PHLPP1: variants seen among roughly 807,000 people sequenced by gnomAD.
PHLPP1 encodes the protein PH domain leucine-rich repeat-containing protein phosphatase 1.
In PHLPP1, 42 loss-of-function variants were observed where a neutral mutation model predicts 117.2. That is an observed-to-expected ratio of 0.36 (90% CI 0.28 to 0.46). The LOEUF (loss-of-function observed/expected upper bound fraction) is 0.46, where lower values mean the gene tolerates loss of function less well. Ranked by LOEUF, PHLPP1 falls within the 20% of genes least tolerant of loss-of-function variation. PHLPP1 has a pLI of 1.00. For synonymous variants in PHLPP1, 1,042 were observed against 970.7 expected (o/e 1.07, Z -1.37); for missense variants, 2,084 against 2,241.9 (o/e 0.93, Z 1.42).
At chr18:62,768,881 G>A (rs1325552160) in intron 1 of PHLPP1, among the ~76,000 whole-genome samples, 2 of 152,144 alleles carry the variant, frequency 1.3e-5, no homozygotes, top group East Asian at 3.8e-4. Flanking sequence ...TTAGCTATCA[G>A]AATTATAATT....
intron 5 of PHLPP1, 129 bp downstream of exon 5, chr18:62,895,286 C>A (rs1916527845): frequency 2.3e-6 from 2 of 884,106 alleles, no homozygotes; most frequent in Non-Finnish European, 3.5e-6. Context: ...ATCAAGAGAT[C>A]AGGGACTATG....
intron 1 of PHLPP1, among the ~76,000 whole-genome samples, chr18:62,769,719 A>G (rs1912688526): frequency 6.6e-6 from 1 of 152,242 alleles, no homozygotes; most frequent in South Asian, 2.1e-4. Flanking sequence ...GAATTTAAGC[A>G]TAGTATACCC....
intron 1 of PHLPP1, among the ~76,000 whole-genome samples, chr18:62,795,137 A>G (rs1466392677): frequency 2.0e-5 from 3 of 152,086 alleles, no homozygotes; most frequent in Non-Finnish European, 2.9e-5. Context: ...TCTTTGTTGC[A>G]TATTCTTAAT....
chr18:62,817,851 C>CTT (rs71340119), intron 1 of PHLPP1, among the ~76,000 whole-genome samples: 41 of 85,948 alleles, frequency 4.8e-4, no homozygotes, highest in African/African-American at 6.0e-4. Flanking sequence ...TGGCAACAGA[C>CTT]TTTTTTTTTT....
chr18:62,903,786 C>G (rs79746064), intron 7 of PHLPP1, among the ~76,000 whole-genome samples: 1 of 148,856 alleles, frequency 6.7e-6, no homozygotes, highest in African/African-American at 2.5e-5. Context: ...AAAAAAAAGA[C>G]AAGAAAAGAT....
intron 1 of PHLPP1, among the ~76,000 whole-genome samples, chr18:62,719,150 C>T (rs1910844429): frequency 6.6e-6 from 1 of 152,116 alleles, no homozygotes; most frequent in South Asian, 2.1e-4. Context: ...GCATGTATGC[C>T]TCTGAGTATG....
intron 12 of PHLPP1, among the ~76,000 whole-genome samples, chr18:62,947,882 C>T (rs1248833779): frequency 1.3e-5 from 2 of 151,758 alleles, no homozygotes; most frequent in African/African-American, 4.8e-5. Flanking sequence ...AAAAATAAGC[C>T]AGGCATGGTG....
rs551962412 is a variant in PHLPP1, at chr18:62,879,578, ATTGT to A, written c.2067-15428_2067-15425del. 4.6e-5 allele frequency among the ~76,000 whole-genome samples: 7 copies of A among 151,958 alleles called. No individual in the cohort carries two copies. In the South Asian group the frequency reaches 1.5e-3, roughly 32 times the overall value. ...AGGCGTGTGCCACCACGCTGGGCTAATTGTTTGTATTTTTAGTAGACAGGGTTCA... is the reference window on the plus strand; with the variant it reads ...AGGCGTGTGCCACCACGCTGGGCTAATTGTATTTTTAGTAGACAGGGTTCA... On this transcript the variant is annotated intron_variant, in intron 4 of 16. Coordinates refer to ENST00000262719, the MANE Select transcript of PHLPP1 (RefSeq NM_194449.4).
chr18:62,774,365 C>G (rs893640492), intron 1 of PHLPP1, among the ~76,000 whole-genome samples: 1 of 152,184 alleles, frequency 6.6e-6, no homozygotes, highest in African/African-American at 2.4e-5. Context: ...CATTTTGAGC[C>G]TTTGTCAGCT....
At chr18:62,887,368 A>G (rs2144390473) in intron 4 of PHLPP1, among the ~76,000 whole-genome samples, 1 of 152,340 alleles carries the variant, frequency 6.6e-6, no homozygotes, top group Admixed American at 6.5e-5. Context: ...ATGAGAAAAA[A>G]GAAAGATATA....
At chr18:62,826,095 A>G (rs1914605766) in intron 1 of PHLPP1, among the ~76,000 whole-genome samples, 1 of 151,902 alleles carries the variant, frequency 6.6e-6, no homozygotes, top group Non-Finnish European at 1.5e-5. Context: ...TCTCATGGTT[A>G]TGGTCAAATA....
At position 62,972,590 on chromosome 18, in the gene PHLPP1, C is replaced by T. The variant is rs756121895; in HGVS notation, c.3637C>T (p.Arg1213Trp). Residue 1213 changes from arginine to tryptophan, a missense_variant, in exon 15 of 17, where the codon CGG becomes TGG. Arg to Trp is a moderately radical substitution (Grantham distance 101). This residue lies in a region of PHLPP1 where 1,365 missense variants were observed against 1,605.9 expected (regional missense o/e 0.85). Transcript: ENST00000262719. ...CCTGTATGGTGTGTTTGACGGAGAC[C>T]GGAATGTGGAGGTGCCCTACCTTCT... ...EALYGVFDGDRNVEVPYLLQC... is the reference protein window; with the variant it reads ...EALYGVFDGDWNVEVPYLLQC... The T allele has an allele frequency of 6.8e-6, 11 of 1,613,776 alleles. No homozygotes were observed. The highest frequency in any genetic ancestry group is 2.2e-5 in the South Asian group (2 of 91,084).
chr18:62,857,058 G>A (rs1368528729), intron 3 of PHLPP1, among the ~76,000 whole-genome samples: 3 of 152,032 alleles, frequency 2.0e-5, no homozygotes, highest in Non-Finnish European at 4.4e-5. Context: ...ACCTAGAACG[G>A]TAATTGGCAC....
intron 14 of PHLPP1, among the ~76,000 whole-genome samples, chr18:62,970,497 G>A (rs1911020603): frequency 6.6e-6 from 1 of 152,176 alleles, no homozygotes; most frequent in African/African-American, 2.4e-5. Flanking sequence ...GGGCATGGTG[G>A]CTCATGCCTG....
At chr18:62,965,856 GA>G (rs1043425926) in intron 14 of PHLPP1, among the ~76,000 whole-genome samples, 4 of 143,950 alleles carry the variant, frequency 2.8e-5, no homozygotes, top group African/African-American at 7.7e-5. Flanking sequence ...AAAAAAGAAA[GA>G]AAAAAAAACT....
At chr18:62,923,300 G>T (rs1215115323) in intron 10 of PHLPP1, among the ~76,000 whole-genome samples, 2 of 152,086 alleles carry the variant, frequency 1.3e-5, no homozygotes, top group Non-Finnish European at 2.9e-5. Context: ...ATGAGAAGGG[G>T]CAAATATCTT....
intron 12 of PHLPP1, among the ~76,000 whole-genome samples, chr18:62,951,696 A>G (rs1227625823): frequency 6.6e-6 from 1 of 151,970 alleles, no homozygotes; most frequent in Non-Finnish European, 1.5e-5. Context: ...TTAATGTAAA[A>G]ATAATGGCTC....
intron 4 of PHLPP1, among the ~76,000 whole-genome samples, chr18:62,882,703 G>A (rs1916198517): frequency 1.3e-5 from 2 of 152,044 alleles, no homozygotes; most frequent in Non-Finnish European, 2.9e-5. Flanking sequence ...AAACCACAAG[G>A]TGTGCTCTTA....
chr18:62,945,227 T>C lies in PHLPP1; in HGVS notation c.3280T>C (p.Cys1094Arg). The change falls in exon 12 of 17, where the codon TGC becomes CGC. Residue 1094 changes from cysteine to arginine, a missense_variant. Physicochemically the swap from Cys to Arg is radical, Grantham distance 180. Transcript: ENST00000262719. ...GCACACCGTGATTGCTCACTCCAAC[T>C]GCATCGAGGTCTTTCCCGAAGTTAT... ...RMHTVIAHSNCIEVFPEVMQL... is the reference protein window; with the variant it reads ...RMHTVIAHSNRIEVFPEVMQL... 6.2e-7 allele frequency: 1 copy of C among 1,610,356 alleles called. No individual in the cohort carries two copies. Among genetic ancestry groups the C allele is most frequent in the Non-Finnish European group, 8.5e-7 (1 of 1,178,708 alleles).
Sources: allele counts gnomAD v4.1 joint callset (sites outside exome capture counted in the v4.1 genomes callset), GRCh38; gene constraint gnomAD v4.1.1; regional missense constraint gnomAD v4.1.1; transcripts MANE v1.5; gene names NCBI Gene and HGNC (gene_info 2026-07-23, HGNC 2026-07-21).